The following RMDN1 variants were observed in gnomAD, a reference collection of about 807,000 sequenced individuals.
RMDN1 encodes regulator of microtubule dynamics 1.
Under a neutral mutation model 48.9 loss-of-function variants are expected in RMDN1, and 48 were observed. The ratio of observed to expected loss-of-function variants is 0.98; its 90% CI spans 0.78 to 1.25. The LOEUF is 1.25. Ranked by LOEUF, RMDN1 falls within the 50% of genes most tolerant of loss-of-function variation. The pLI, the probability that RMDN1 is intolerant of heterozygous loss-of-function variation, is 0.00. For synonymous variants in RMDN1, 148 were observed against 132.6 expected (o/e 1.12, Z -0.80); for missense variants, 418 against 373.4 (o/e 1.12, Z -0.98).
chr8:86,511,581 C>T (rs1820047291), upstream of RMDN1, among the ~76,000 whole-genome samples: 1 of 151,968 alleles, frequency 6.6e-6, no homozygotes, highest in African/African-American at 2.4e-5. Context: ...AGGCCAAGGC[C>T]AGTGGATTTC....
In RMDN1 at chr8:86,498,020, C is replaced by A. The variant is rs180693268; in HGVS notation, c.247+8975G>T. On this transcript the variant is annotated intron_variant, in intron 2 of 9. Coordinates refer to ENST00000406452, the MANE Select transcript of RMDN1 (RefSeq NM_016033.3). Reference sequence around the variant, plus strand: ...CTGAGGCATGAGAGTCGCTTGAACCCGGGAGGTGGAGGCTGCAGTGAGCCG... The same window carrying A: ...CTGAGGCATGAGAGTCGCTTGAACCAGGGAGGTGGAGGCTGCAGTGAGCCG... Among the ~76,000 whole-genome samples, 469 of 152,180 alleles carry A rather than the reference C, an allele frequency of 3.1e-3. 2 individuals are homozygous for A. Among genetic ancestry groups the A allele is most frequent in the African/African-American group, 0.011 (448 of 41,520 alleles).
rs1812704691 is a variant in RMDN1, at chr8:86,472,492, A to AATT, written c.*1813_*1815dup. 1 of 702,366 alleles carries AATT rather than the reference A, an allele frequency of 1.4e-6. No homozygotes were observed. The highest frequency in any genetic ancestry group is 2.0e-5 in the Admixed American group (1 of 49,984). The allele number at this position is 702,366 out of a possible 1,614,324, so 43.5% of individuals were successfully genotyped here. A position where few individuals can be genotyped will look rare whatever the true frequency, so the allele number is the denominator to read the frequency against. ...TGTTTCTCTTCACCTACAAAAATAA[A>AATT]ATTACAGTATACAATAACCTTTTAA... is the stretch of plus-strand genomic sequence containing the variant. On this transcript the variant is annotated 3_prime_UTR_variant, in exon 10 of 10. Coordinates refer to ENST00000406452, the MANE Select transcript of RMDN1 (RefSeq NM_016033.3).
chr8:86,482,509 T>A, intron 5 of RMDN1: 1 of 676,358 alleles, frequency 1.5e-6, no homozygotes, highest in Non-Finnish European at 2.7e-6. Flanking sequence ...CATTTAATTC[T>A]GTCACACATA....
chr8:86,503,146 G>GT (rs1818561246), intron 2 of RMDN1, among the ~76,000 whole-genome samples: 1 of 152,028 alleles, frequency 6.6e-6, no homozygotes, highest in Admixed American at 6.6e-5. Flanking sequence ...GAGGTCAGGA[G>GT]TTTGAGACCA....
intron 2 of RMDN1, among the ~76,000 whole-genome samples, chr8:86,490,435 G>C (rs552742112): frequency 3.3e-5 from 5 of 152,322 alleles, no homozygotes; most frequent in African/African-American, 1.2e-4. Flanking sequence ...AACAAGATCA[G>C]AATGATGATT....
chr8:86,487,498 G>GA (rs1372360766), intron 3 of RMDN1, among the ~76,000 whole-genome samples: 1 of 152,136 alleles, frequency 6.6e-6, no homozygotes, highest in African/African-American at 2.4e-5. Flanking sequence ...TGAGCCAGAA[G>GA]AATCGCTTGA....
rs7825570 is a variant in RMDN1, at chr8:86,474,678, C to G, written c.894+142G>C. The stretch of plus-strand genomic sequence containing the variant: ...ATTTCCTATATAGAAATATAAATGT[C>G]AATCAATTTACACTTGAAATGAACA... On this transcript the variant is annotated intron_variant, in intron 9 of 9. Coordinates refer to ENST00000406452, the MANE Select transcript of RMDN1 (RefSeq NM_016033.3). 4.4e-4 allele frequency: 376 copies of G among 859,846 alleles called. 1 individual carries two copies. The African/African-American group carries it at 5.4e-3, about 12-fold the overall frequency. 53.3% of individuals were successfully genotyped at this position (859,846 alleles called of 1,614,324 possible).
Position 86,489,785 on chromosome 8 carries a change from G to A in RMDN1, c.248-1146C>T, listed in dbSNP as rs191967766. On this transcript the variant is annotated intron_variant, in intron 2 of 9. Coordinates refer to ENST00000406452, the MANE Select transcript of RMDN1 (RefSeq NM_016033.3). ...GCAGAGGTTGCAGTGAGCCATGATC[G>A]CTCCACTGCACTCCAGCCTGGGCGA... is the stretch of plus-strand genomic sequence containing the variant. Among the ~76,000 whole-genome samples, 1,077 of 143,512 alleles carry A rather than the reference G, an allele frequency of 7.5e-3. 21 individuals carry two copies. The highest frequency in any genetic ancestry group is 0.026 in the African/African-American group (986 of 37,986). 94.1% of individuals were successfully genotyped at this position (143,512 alleles called of 152,430 possible).
At chr8:86,491,703 T>G (rs1474202907) in intron 2 of RMDN1, among the ~76,000 whole-genome samples, 1 of 152,304 alleles carries the variant, frequency 6.6e-6, no homozygotes, top group Admixed American at 6.5e-5. Flanking sequence ...TATAGTGAAA[T>G]CTTAAATGTA....
In RMDN1 at chr8:86,484,970, T is replaced by C; in HGVS notation, c.496-9A>G. On this transcript the variant is annotated splice_polypyrimidine_tract_variant and intron_variant, in intron 4 of 9. Coordinates refer to ENST00000406452, the MANE Select transcript of RMDN1 (RefSeq NM_016033.3). ...AGGCAGATTGCATACCACTGAAAATTTAAAAAAGTGTAAGAACAATAATAT... is the reference window on the plus strand; with the variant it reads ...AGGCAGATTGCATACCACTGAAAATCTAAAAAAGTGTAAGAACAATAATAT... 1 of 1,503,538 alleles carries C rather than the reference T, an allele frequency of 6.7e-7. No homozygotes were observed. Among genetic ancestry groups the C allele is most frequent in the Non-Finnish European group, 9.2e-7 (1 of 1,092,412 alleles). 93.1% of individuals were successfully genotyped at this position (1,503,538 alleles called of 1,614,324 possible). A position where few individuals can be genotyped will look rare whatever the true frequency, so the allele number is the denominator to read the frequency against.
chr8:86,504,682 G>A, intron 2 of RMDN1: 1 of 874,050 alleles, frequency 1.1e-6, no homozygotes, highest in Non-Finnish European at 2.0e-6. Context: ...GTCTTTATCG[G>A]GGCTATCTTG....
At chr8:86,489,437 T>A (rs1452894759) in intron 2 of RMDN1, among the ~76,000 whole-genome samples, 1 of 152,230 alleles carries the variant, frequency 6.6e-6, no homozygotes, top group Non-Finnish European at 1.5e-5. Context: ...GTACATTTAA[T>A]TTTGTCTTCT....
rs1322122039 is a variant in RMDN1, at chr8:86,486,548, T to G, written c.431A>C (p.Tyr144Ser). ...TSEEEKKLLV[Y>S]EALEYAKRAL... is the part of the protein sequence containing the mutation. ...TCTTTTTGCATACTCTAGGGCTTCA[T>G]ACACCAATAGCTTTTTCTCCTCTTC... The change falls in exon 4 of 10, where the codon TAT (tyrosine) becomes TCT (serine). Residue 144 changes from tyrosine (Y) to serine (S), a missense_variant. Physicochemically the swap from Tyr to Ser is moderately radical, Grantham distance 144. Coordinates refer to ENST00000406452, the MANE Select transcript of RMDN1 (RefSeq NM_016033.3). The G allele has an allele frequency of 1.6e-5, 25 of 1,612,418 alleles. No individual in the cohort carries two copies. Among genetic ancestry groups the G allele is most frequent in the Non-Finnish European group, 2.0e-5 (23 of 1,178,924 alleles).
intron 2 of RMDN1, chr8:86,504,397 A>G: frequency 1.9e-6 from 3 of 1,561,400 alleles, no homozygotes; most frequent in Middle Eastern, 1.7e-4. Flanking sequence ...GCCAATCATC[A>G]TTTCCATTGT....
intron 9 of RMDN1, 29 bp from the exon 10 acceptor site, chr8:86,474,387 A>C (rs1374065207): frequency 1.3e-6 from 2 of 1,540,164 alleles, no homozygotes; most frequent in Non-Finnish European, 1.8e-6. Flanking sequence ...TGTTATAAGT[A>C]AACAGGAGAG....
intron 9 of RMDN1, chr8:86,474,612 C>T: frequency 2.8e-6 from 2 of 722,538 alleles, no homozygotes; most frequent in Non-Finnish European, 5.0e-6. Flanking sequence ...TGCATTGTAG[C>T]AGGCAACCCG....
chr8:86,475,050 G>A, intron 8 of RMDN1, 97 bp from the exon 9 acceptor site: 2 of 1,008,576 alleles, frequency 2.0e-6, no homozygotes, highest in Non-Finnish European at 2.9e-6. Context: ...AAATTTGTGT[G>A]GTCAATAAGT....
At chr8:86,489,488 A>G (rs373460538) in intron 2 of RMDN1, among the ~76,000 whole-genome samples, 1 of 152,150 alleles carries the variant, frequency 6.6e-6, no homozygotes, top group Non-Finnish European at 1.5e-5. Context: ...CAAGATTCCA[A>G]TGTGTATACA....
chr8:86,496,911 T>TA (rs200669579), intron 2 of RMDN1, among the ~76,000 whole-genome samples: 1,685 of 142,794 alleles, frequency 0.012, 12 homozygotes, highest in Non-Finnish European at 0.015. Context: ...CTGAACAAAA[T>TA]AAAAAAAAAA....
Sources: gnomAD v4.1 joint callset for allele counts (sites outside exome capture counted in the v4.1 genomes callset) on GRCh38, gnomAD v4.1.1 for gene constraint, MANE v1.5 for transcripts, NCBI Gene and HGNC (gene_info 2026-07-23, HGNC 2026-07-21) for gene names.